Variants in NDST1 observed in about 807,000 individuals in gnomAD.
NDST1 encodes the protein bifunctional heparan sulfate N-deacetylase/N-sulfotransferase 1.
In NDST1, 35 loss-of-function variants were observed where a neutral mutation model predicts 92.8. The ratio of observed to expected loss-of-function variants is 0.38; its 90% CI spans 0.29 to 0.50. The LOEUF is 0.50. NDST1 is among the 20% of genes least tolerant of loss of function. The pLI, the probability that NDST1 is intolerant of heterozygous loss-of-function variation, is 0.94. For missense variants in NDST1, 822 were observed against 1,182.7 expected (o/e 0.69, Z 4.47); for synonymous variants, 493 against 500.3 (o/e 0.99, Z 0.19).
At chr5:150,551,962 G>C in intron 14 of NDST1, 107 bp downstream of exon 14, 1 of 1,516,730 alleles carries the variant, frequency 6.6e-7, no homozygotes, top group South Asian at 1.2e-5. Flanking sequence ...CATGTTCATG[G>C]CCTTAGCATT....
intron 1 of NDST1, 119 bp from the exon 2 acceptor site, chr5:150,520,749 A>G (rs1233146817): frequency 1.0e-5 from 4 of 392,286 alleles, no homozygotes; most frequent in Non-Finnish European, 4.5e-6. Flanking sequence ...AAATCATGCA[A>G]CCTTGGTTCG....
chr5:150,506,056 C>A (rs1220944869), upstream of NDST1, among the ~76,000 whole-genome samples: 1 of 152,172 alleles, frequency 6.6e-6, no homozygotes, highest in Non-Finnish European at 1.5e-5. Context: ...GCAAGTGAGG[C>A]ATCTAAGTGC....
In NDST1 at chr5:150,533,001, C is replaced by G. The variant is rs756183118; in HGVS notation, c.1065C>G (p.Asn355Lys). Reference protein sequence around the residue: ...LRAHIPNFTFNLGYSGKFFHT... With the variant: ...LRAHIPNFTFKLGYSGKFFHT... ...CACACATCCCAAACTTCACCTTCAACCTGGGCTACTCAGGGAAATTCTTCC... is the reference window on the plus strand; with the variant it reads ...CACACATCCCAAACTTCACCTTCAAGCTGGGCTACTCAGGGAAATTCTTCC... The change falls in exon 4 of 15, where the codon AAC (asparagine) becomes AAG (lysine). Residue 355 changes from asparagine to lysine, a missense_variant. Asn to Lys is a moderately conservative substitution (Grantham distance 94, BLOSUM62 0). Transcript: ENST00000261797. The G allele has an allele frequency of 1.2e-6, 2 of 1,614,218 alleles. No individual in the cohort carries two copies. The highest frequency in any genetic ancestry group is 1.7e-6 in the Non-Finnish European group (2 of 1,180,042).
chr5:150,500,838 C>T (rs1753197184), intron 1 of NDST1, among the ~76,000 whole-genome samples: 1 of 152,226 alleles, frequency 6.6e-6, no homozygotes, highest in Admixed American at 6.5e-5. Flanking sequence ...AGACACTCTC[C>T]TAATGTCACT....
Position 150,556,477 on chromosome 5 carries a change from A to G in NDST1, c.*3145A>G, listed in dbSNP as rs541631678. ...GTGGTCCCAGCACAGAGCTGTGCCCATGGGCTTGTTAGTGGGAAAAGCAAA... is the reference window on the plus strand; with the variant it reads ...GTGGTCCCAGCACAGAGCTGTGCCCGTGGGCTTGTTAGTGGGAAAAGCAAA... On this transcript the variant is annotated 3_prime_UTR_variant, in exon 15 of 15. Coordinates refer to ENST00000261797, the MANE Select transcript of NDST1 (RefSeq NM_001543.5). 1 of 152,372 alleles carries G rather than the reference A, an allele frequency of 6.6e-6. No individual in the cohort carries two copies. Among genetic ancestry groups the G allele is most frequent in the African/African-American group, 2.4e-5 (1 of 41,592 alleles). 9.4% of individuals were successfully genotyped at this position (152,372 alleles called of 1,614,324 possible). A position where few individuals can be genotyped will look rare whatever the true frequency, so the allele number is the denominator to read the frequency against.
chr5:150,512,762 C>T (rs527414256), intron 1 of NDST1, among the ~76,000 whole-genome samples: 2 of 152,328 alleles, frequency 1.3e-5, no homozygotes, highest in Admixed American at 6.5e-5. Flanking sequence ...GTTTTACATG[C>T]CTCATCTCTC....
At chr5:150,540,938 G>A (rs921493282) in intron 8 of NDST1, among the ~76,000 whole-genome samples, 3 of 152,238 alleles carry the variant, frequency 2.0e-5, no homozygotes, top group Non-Finnish European at 4.4e-5. Flanking sequence ...CTCTGAGTGG[G>A]AAAAGGGATT....
chr5:150,530,654 G>A (rs1292951707), intron 3 of NDST1, among the ~76,000 whole-genome samples: 1 of 145,696 alleles, frequency 6.9e-6, no homozygotes, highest in Non-Finnish European at 1.5e-5. Context: ...GTGATCCTAA[G>A]CACAAGCAAT....
At chr5:150,519,603 A>C (rs1278611724) in intron 1 of NDST1, among the ~76,000 whole-genome samples, 16 of 152,124 alleles carry the variant, frequency 1.1e-4, no homozygotes, top group Non-Finnish European at 2.9e-5. Context: ...CAGGAGAATC[A>C]CTTAAACTGG....
intron 1 of NDST1, among the ~76,000 whole-genome samples, chr5:150,511,640 GACCTCCA>G (rs1418828507): frequency 1.3e-5 from 2 of 152,246 alleles, no homozygotes; most frequent in East Asian, 3.9e-4. Flanking sequence ...CTCTGAGCCA[GACCTCCA>G]ACAGTCTCTT....
At chr5:150,499,166 A>G (rs1753123229) in intron 1 of NDST1, among the ~76,000 whole-genome samples, 1 of 152,222 alleles carries the variant, frequency 6.6e-6, no homozygotes, top group Non-Finnish European at 1.5e-5. Context: ...GGCAGGCCAC[A>G]TTTGCCCTAT....
chr5:150,509,829 T>C (rs1054661956), intron 1 of NDST1, among the ~76,000 whole-genome samples: 1 of 152,110 alleles, frequency 6.6e-6, no homozygotes, highest in African/African-American at 2.4e-5. Flanking sequence ...TTTCTTATAT[T>C]GGGGTGTCTG....
At chr5:150,518,298 C>T (rs1037998593) in intron 1 of NDST1, among the ~76,000 whole-genome samples, 3 of 151,878 alleles carry the variant, frequency 2.0e-5, no homozygotes, top group Non-Finnish European at 4.4e-5. Context: ...AAACCCCCAT[C>T]CCATCCCCGT....
upstream of NDST1, among the ~76,000 whole-genome samples, chr5:150,507,030 C>T (rs1190084125): frequency 6.6e-6 from 1 of 152,216 alleles, no homozygotes; most frequent in African/African-American, 2.4e-5. Flanking sequence ...CTGGCATCTT[C>T]CAGAGTGGGC....
intron 3 of NDST1, among the ~76,000 whole-genome samples, chr5:150,531,731 T>G (rs1754749678): frequency 6.6e-6 from 1 of 152,218 alleles, no homozygotes; most frequent in African/African-American, 2.4e-5. Flanking sequence ...ACTCCTGACC[T>G]CAGGTGATCT....
intron 12 of NDST1, 118 bp downstream of exon 12, chr5:150,548,506 C>CA: frequency 9.0e-7 from 1 of 1,110,634 alleles, no homozygotes; most frequent in Non-Finnish European, 1.3e-6. Context: ...CCTTGGAGAG[C>CA]TAGACCCTTG....
rs772243375 is a variant in NDST1 at position 150,542,830 on chromosome 5, T to A, written c.1847-18T>A. 1.2e-6 allele frequency: 2 copies of A among 1,613,952 alleles called. No homozygotes were observed. The highest frequency in any genetic ancestry group is 4.5e-5 in the East Asian group (2 of 44,876). Reference sequence around the variant, plus strand: ...TGGGGGCTGGGCCCTGGGTCTCAGGTGTCTACCCTCCCCACAGGCACCACT... The same window carrying A: ...TGGGGGCTGGGCCCTGGGTCTCAGGAGTCTACCCTCCCCACAGGCACCACT... On this transcript the variant is annotated intron_variant, in intron 9 of 14. Coordinates refer to ENST00000261797, the MANE Select transcript of NDST1 (RefSeq NM_001543.5).
chr5:150,521,131 C>T lies in NDST1; in HGVS notation c.-124C>T, dbSNP rs1011046364. 18 of 858,524 alleles carry T rather than the reference C, an allele frequency of 2.1e-5. No homozygotes were observed. Among genetic ancestry groups the T allele is most frequent in the South Asian group, 5.1e-5 (3 of 59,398 alleles). 53.2% of individuals were successfully genotyped at this position (858,524 alleles called of 1,614,324 possible). On this transcript the variant is annotated 5_prime_UTR_variant, in exon 2 of 15. Transcript: ENST00000261797. The surrounding 1 kb of genome is among the most constrained non-coding windows in gnomAD (Gnocchi z 5.9). The stretch of plus-strand genomic sequence containing the variant: ...CTCCACTCCCAGTGCCCCACAAGGG[C>T]GTCGCTTCCTAAGTCTCTGTGAATT...
At chr5:150,514,491 G>A (rs1303658119) in intron 1 of NDST1, among the ~76,000 whole-genome samples, 1 of 151,272 alleles carries the variant, frequency 6.6e-6, no homozygotes, top group Non-Finnish European at 1.5e-5. Flanking sequence ...AACCTGGGAG[G>A]CGGAGGTTGC....
Sources: gnomAD v4.1 joint callset for allele counts (sites outside exome capture counted in the v4.1 genomes callset) on GRCh38, gnomAD v4.1.1 for gene constraint, Gnocchi (gnomAD v3.1) non-coding constraint, MANE v1.5 for transcripts, NCBI Gene and HGNC (gene_info 2026-07-23, HGNC 2026-07-21) for gene names.